PTGR1: variants seen among roughly 807,000 people sequenced by gnomAD.
PTGR1 encodes 15-oxoprostaglandin 13-reductase.
Under a neutral mutation model 37.7 loss-of-function variants are expected in PTGR1, and 23 were observed. The ratio of observed to expected loss-of-function variants is 0.61; its 90% CI spans 0.44 to 0.86. The LOEUF is 0.86. Ranked by LOEUF, PTGR1 falls within the 40% of genes least tolerant of loss-of-function variation. The probability of loss-of-function intolerance (pLI) is 0.00; values close to 1 mark genes in which losing one functional copy is unlikely to be tolerated. For synonymous variants in PTGR1, 134 were observed against 140.0 expected (o/e 0.96, Z 0.30); for missense variants, 351 against 394.3 (o/e 0.89, Z 0.93).
chr9:111,551,036 C>G (rs1827925407), intron 9 of PTGR1, among the ~76,000 whole-genome samples: 1 of 152,138 alleles, frequency 6.6e-6, no homozygotes, highest in African/African-American at 2.4e-5. Context: ...TACTTCAGCA[C>G]CATCCAACAG....
downstream of PTGR1, among the ~76,000 whole-genome samples, chr9:111,560,636 C>CA (rs1015199330): frequency 0.057 from 1,445 of 25,446 alleles, 154 homozygotes; most frequent in African/African-American, 0.16. Flanking sequence ...GACACCATCT[C>CA]AAAAAAAAAA....
rs530909530 is a variant in PTGR1 at position 111,563,424 on chromosome 9, C to T, written c.880-193G>A. Reference sequence around the variant, plus strand: ...TACACAGTACATGTAAAAAAGATTACAAAGTACACCTAAGAAGAAATAATA... The same window carrying T: ...TACACAGTACATGTAAAAAAGATTATAAAGTACACCTAAGAAGAAATAATA... On this transcript the variant is annotated intron_variant, in intron 9 of 9. Coordinates refer to ENST00000407693, the MANE Select transcript of PTGR1 (RefSeq NM_001146108.2). The T allele has an allele frequency of 6.1e-6, 3 of 489,166 alleles. No homozygotes were observed. The South Asian group carries it at 1.3e-4, about 22-fold the overall frequency. The allele number at this position is 489,166 out of a possible 1,614,324, so 30.3% of individuals were successfully genotyped here.
intron 6 of PTGR1, among the ~76,000 whole-genome samples, chr9:111,579,315 T>C (rs1372280007): frequency 6.6e-6 from 1 of 152,124 alleles, no homozygotes; most frequent in Non-Finnish European, 1.5e-5. Context: ...TTCTTCAGAC[T>C]ATTATTTTGT....
intron 6 of PTGR1, among the ~76,000 whole-genome samples, chr9:111,579,170 C>A (rs1423294611): frequency 1.3e-5 from 2 of 151,902 alleles, no homozygotes; most frequent in Non-Finnish European, 2.9e-5. Context: ...GACCACCCAG[C>A]AGGTCCCTTC....
At chr9:111,580,694 G>A (rs867111678) in intron 6 of PTGR1, among the ~76,000 whole-genome samples, 2 of 151,566 alleles carry the variant, frequency 1.3e-5, no homozygotes, top group Non-Finnish European at 1.5e-5. Context: ...GGCAGAGGTT[G>A]CGGTGAGCTG....
chr9:111,575,402 T>C (rs1181133891), intron 7 of PTGR1: 1 of 152,318 alleles, frequency 6.6e-6, no homozygotes, highest in Non-Finnish European at 1.5e-5. Context: ...TGAGGTTCTC[T>C]GATCAGTCCA....
Position 111,574,826 on chromosome 9 carries a change from G to A in PTGR1, c.668C>T (p.Ser223Leu). The A allele has an allele frequency of 1.2e-6, 2 of 1,613,428 alleles. No individual in the cohort carries two copies. Among genetic ancestry groups the A allele is most frequent in the Non-Finnish European group, 1.7e-6 (2 of 1,179,608 alleles). Residue 223 changes from serine (S) to leucine (L), a missense_variant, in exon 8 of 10, where the codon TCA becomes TTA. Transcript: ENST00000407693. Reference protein sequence around the residue: ...CYFDNVGGEFSNTVIGQMKKF... With the variant: ...CYFDNVGGEFLNTVIGQMKKF... ...CTTCATCTGGCCGATAACAGTGTTT[G>A]AAAACTCTCCACCTACCTAAACAGA...
At chr9:111,572,884 G>A (rs1828889713) in intron 8 of PTGR1, among the ~76,000 whole-genome samples, 1 of 151,972 alleles carries the variant, frequency 6.6e-6, no homozygotes, top group African/African-American at 2.4e-5. Flanking sequence ...GTGAAATGCT[G>A]TTTCTGGATT....
intron 9 of PTGR1, among the ~76,000 whole-genome samples, chr9:111,566,438 G>A (rs1451522830): frequency 1.3e-5 from 2 of 152,182 alleles, no homozygotes; most frequent in African/African-American, 4.8e-5. Context: ...AGTGGCTGCT[G>A]GAGGAGCAAT....
chr9:111,580,269 A>G (rs1829239937), intron 6 of PTGR1, among the ~76,000 whole-genome samples: 1 of 152,150 alleles, frequency 6.6e-6, no homozygotes, highest in Non-Finnish European at 1.5e-5. Context: ...TCCCTCATAA[A>G]TAGTGTGTTC....
chr9:111,570,551 A>G (rs1308557117), intron 8 of PTGR1, among the ~76,000 whole-genome samples: 7 of 151,932 alleles, frequency 4.6e-5, no homozygotes, highest in Non-Finnish European at 1.0e-4. Context: ...CGGGCAGATC[A>G]CAAGGTCAGG....
intron 9 of PTGR1, among the ~76,000 whole-genome samples, chr9:111,565,207 G>A (rs929939547): frequency 6.6e-6 from 1 of 152,098 alleles, no homozygotes; most frequent in Non-Finnish European, 1.5e-5. Context: ...AGGAGGTTAG[G>A]ACATAGACAC....
intron 8 of PTGR1, among the ~76,000 whole-genome samples, chr9:111,571,396 G>A (rs1029422254): frequency 6.7e-6 from 1 of 149,660 alleles, no homozygotes; most frequent in African/African-American, 2.4e-5. Context: ...GTGACAGAGC[G>A]AGACTCGGTT....
chr9:111,592,354 C>G (rs1272224266), intron 4 of PTGR1: 1 of 152,430 alleles, frequency 6.6e-6, no homozygotes, highest in Non-Finnish European at 1.5e-5. Flanking sequence ...ATTCTTATCT[C>G]TGTATACTGT....
At chr9:111,571,011 G>GAAGGAGTCC (rs1289104207) in intron 8 of PTGR1, among the ~76,000 whole-genome samples, 23 of 151,300 alleles carry the variant, frequency 1.5e-4, no homozygotes, top group East Asian at 1.0e-3. Context: ...AGAAATACAG[G>GAAGGAGTCC]CAGCTGCTAG....
At chr9:111,589,699 G>A (rs939487844) in intron 4 of PTGR1, among the ~76,000 whole-genome samples, 3 of 151,668 alleles carry the variant, frequency 2.0e-5, no homozygotes, top group African/African-American at 7.3e-5. Flanking sequence ...GTGCAATGGC[G>A]CGATCTCTGC....
intron 2 of PTGR1, among the ~76,000 whole-genome samples, chr9:111,595,217 T>A (rs1829742144): frequency 6.6e-6 from 1 of 152,124 alleles, no homozygotes. Flanking sequence ...TTCCCATCTG[T>A]GCTTCTATCG....
At chr9:111,590,640 T>C (rs913145562) in intron 4 of PTGR1, among the ~76,000 whole-genome samples, 1 of 152,258 alleles carries the variant, frequency 6.6e-6, no homozygotes, top group African/African-American at 2.4e-5. Context: ...ATTACAGGCA[T>C]GAGCCACTGC....
In PTGR1 at chr9:111,551,815, CAT is replaced by C. The variant is rs1023614069; in HGVS notation, c.880-2018_880-2017del. 6.6e-5 allele frequency among the ~76,000 whole-genome samples: 10 copies of C among 152,132 alleles called. No individual in the cohort carries two copies. The South Asian group carries it at 8.3e-4, about 13-fold the overall frequency. ...AAAACTTTTTAAGTAAATTCAGTAACATATCAATTCAGTTTATTAGCATCAAA... is the reference window on the plus strand; with the variant it reads ...AAAACTTTTTAAGTAAATTCAGTAACATCAATTCAGTTTATTAGCATCAAA... On this transcript the variant is annotated intron_variant, in intron 9 of 9. Transcript: ENST00000538962.
Sources: gnomAD v4.1 joint callset for allele counts (sites outside exome capture counted in the v4.1 genomes callset) on GRCh38, gnomAD v4.1.1 for gene constraint, MANE v1.5 for transcripts, NCBI Gene and HGNC (gene_info 2026-07-23, HGNC 2026-07-21) for gene names.